Variants in KIAA0825 observed in about 807,000 individuals in gnomAD.
KIAA0825 encodes KIAA0825.
In KIAA0825, 119 loss-of-function variants were observed where a neutral mutation model predicts 147.6. The observed-to-expected ratio is 0.81, with a 90% CI of 0.69 to 0.94. KIAA0825 has a LOEUF of 0.94. KIAA0825 is among the 40% of genes least tolerant of loss of function. The pLI, the probability that KIAA0825 is intolerant of heterozygous loss-of-function variation, is 0.00. For synonymous variants in KIAA0825, 470 were observed against 518.1 expected (o/e 0.91, Z 1.26); for missense variants, 1,381 against 1,472.7 (o/e 0.94, Z 1.02).
chr5:94,483,512 A>T (rs1218047010), intron 6 of KIAA0825, among the ~76,000 whole-genome samples: 1 of 150,466 alleles, frequency 6.6e-6, no homozygotes, highest in Non-Finnish European at 1.5e-5. Context: ...TCACAGTCAA[A>T]CTCTATCTAA....
rs142909246 is a variant in KIAA0825, at chr5:94,483,097, T to G, written c.1132+1672A>C. Among the ~76,000 whole-genome samples the G allele has an allele frequency of 5.5e-3, 843 of 152,128 alleles. 9 individuals carry two copies. The highest frequency in any genetic ancestry group is 0.027 in the Middle Eastern group (8 of 294). The stretch of plus-strand genomic sequence containing the variant: ...TTAATCTAATGGAATTGAATCACCT[T>G]TTTCAAAATTGTTATTTTCTCTAAA... On this transcript the variant is annotated intron_variant, in intron 6 of 20. Transcript: ENST00000682413.
chr5:94,394,801 A>G (rs1357443735), intron 17 of KIAA0825, among the ~76,000 whole-genome samples: 1 of 152,200 alleles, frequency 6.6e-6, no homozygotes, highest in African/African-American at 2.4e-5. Flanking sequence ...GCAAATAGAA[A>G]GATTAAGACG....
At chr5:94,399,112 C>T (rs1751042889) in intron 16 of KIAA0825, among the ~76,000 whole-genome samples, 1 of 152,112 alleles carries the variant, frequency 6.6e-6, no homozygotes, top group African/African-American at 2.4e-5. Flanking sequence ...CCTAGCTCAG[C>T]ACCTGATAAA....
At chr5:94,442,315 A>G (rs1418104197) in intron 13 of KIAA0825, among the ~76,000 whole-genome samples, 4 of 152,132 alleles carry the variant, frequency 2.6e-5, no homozygotes, top group African/African-American at 9.7e-5. Flanking sequence ...TCCCATGTAA[A>G]ACTCTGATAA....
At chr5:94,486,689 C>CA (rs770800318) in intron 5 of KIAA0825, among the ~76,000 whole-genome samples, 33 of 152,256 alleles carry the variant, frequency 2.2e-4, no homozygotes, top group African/African-American at 3.1e-4. Context: ...GCAGCATATA[C>CA]AACTAAGGCT....
intron 7 of KIAA0825, among the ~76,000 whole-genome samples, chr5:94,474,181 G>A (rs111548783): frequency 0.018 from 2,683 of 152,196 alleles, 74 homozygotes; most frequent in African/African-American, 0.062. Flanking sequence ...GGTTGGGGGG[G>A]TACTTGGAAG....
intron 1 of KIAA0825, among the ~76,000 whole-genome samples, chr5:94,588,830 C>A (rs913644227): frequency 6.6e-6 from 1 of 151,940 alleles, no homozygotes; most frequent in African/African-American, 2.4e-5. Context: ...AAATGTGGCA[C>A]ATATACAACC....
chr5:94,236,332 GT>G (rs1775038031), intron 20 of KIAA0825, among the ~76,000 whole-genome samples: 3 of 152,206 alleles, frequency 2.0e-5, no homozygotes, highest in Admixed American at 1.3e-4. Context: ...AACTGCAGAA[GT>G]GATGGAAACA....
At chr5:94,500,493 C>T (rs1764936992) in intron 5 of KIAA0825, among the ~76,000 whole-genome samples, 1 of 152,046 alleles carries the variant, frequency 6.6e-6, no homozygotes, top group Non-Finnish European at 1.5e-5. Context: ...ATCATAGTTT[C>T]TGGGTGAGTG....
At chr5:94,167,250 C>T (rs558466887) in intron 20 of KIAA0825, among the ~76,000 whole-genome samples, 1 of 152,230 alleles carries the variant, frequency 6.6e-6, no homozygotes, top group South Asian at 2.1e-4. Flanking sequence ...TCAGTCCATC[C>T]CCTTTAGCAT....
chr5:94,469,244 C>T (rs190874649), intron 10 of KIAA0825, among the ~76,000 whole-genome samples: 2 of 151,868 alleles, frequency 1.3e-5, no homozygotes, highest in Admixed American at 6.6e-5. Context: ...GATCTCAGCT[C>T]ATTGCAATCT....
At chr5:94,159,235 T>C (rs1217075076) in intron 20 of KIAA0825, among the ~76,000 whole-genome samples, 2 of 152,118 alleles carry the variant, frequency 1.3e-5, no homozygotes, top group African/African-American at 4.8e-5. Flanking sequence ...CCAGTAGACA[T>C]GGGAGCCATC....
intron 1 of KIAA0825, among the ~76,000 whole-genome samples, chr5:94,606,022 A>T (rs765875740): frequency 6.6e-6 from 1 of 152,254 alleles, no homozygotes; most frequent in Non-Finnish European, 1.5e-5. Flanking sequence ...CCATAGTCTT[A>T]GCCCAAAGGC....
chr5:94,162,675 T>C (rs1468996204), intron 20 of KIAA0825, among the ~76,000 whole-genome samples: 3 of 152,208 alleles, frequency 2.0e-5, no homozygotes, highest in Non-Finnish European at 4.4e-5. Context: ...GATGTCATGT[T>C]ATTTCTTCTC....
chr5:94,313,011 A>G lies in KIAA0825; in HGVS notation c.3710+71357T>C, dbSNP rs565802318. Among the ~76,000 whole-genome samples the G allele has an allele frequency of 1.8e-4, 28 of 151,752 alleles. No homozygotes were observed. In the South Asian group the frequency reaches 5.8e-3, roughly 31 times the overall value. ...AATACATAAGTATACATTACATTCT[A>G]CATTTTCTAATCAAAGGAGGAAAAA... is the stretch of plus-strand genomic sequence containing the variant. On this transcript the variant is annotated intron_variant, in intron 20 of 20. Coordinates refer to ENST00000682413, the MANE Select transcript of KIAA0825 (RefSeq NM_001145678.3).
At chr5:94,518,849 C>T (rs1398290446) in intron 5 of KIAA0825, among the ~76,000 whole-genome samples, 1 of 152,112 alleles carries the variant, frequency 6.6e-6, no homozygotes, top group African/African-American at 2.4e-5. Context: ...GACTCCATAG[C>T]AACTTACACA....
At chr5:94,537,451 A>C (rs1237864823) in intron 2 of KIAA0825, among the ~76,000 whole-genome samples, 1 of 151,996 alleles carries the variant, frequency 6.6e-6, no homozygotes, top group Non-Finnish European at 1.5e-5. Flanking sequence ...GGAGATTGAG[A>C]CCATCCTGGC....
At chr5:94,435,100 T>TG (rs1756167724) in intron 14 of KIAA0825, among the ~76,000 whole-genome samples, 1 of 151,838 alleles carries the variant, frequency 6.6e-6, no homozygotes, top group African/African-American at 2.4e-5. Flanking sequence ...ATCAATTAGA[T>TG]GAAAAAAAAC....
Position 94,537,007 on chromosome 5 carries a change from T to C in KIAA0825, c.120A>G (p.Gln40=), listed in dbSNP as rs1193707530. 6.3e-7 allele frequency: 1 copy of C among 1,599,826 alleles called. No individual in the cohort carries two copies. The highest frequency in any genetic ancestry group is 8.5e-7 in the Non-Finnish European group (1 of 1,172,452). Reference sequence around the variant, plus strand: ...TTAACAATATTTACCTTGCAGCATTTTGTTCAATCTTTTCATCAATGTCAC... The same window carrying C: ...TTAACAATATTTACCTTGCAGCATTCTGTTCAATCTTTTCATCAATGTCAC... ...IFSDIDEKIE[Q]NAASIKHCIK... The change falls in exon 3 of 21, where the codon CAA becomes CAG. Residue 40 remains glutamine (Q), a synonymous_variant. Transcript: ENST00000682413.
Sources: gnomAD v4.1 joint callset for allele counts (sites outside exome capture counted in the v4.1 genomes callset) on GRCh38, gnomAD v4.1.1 for gene constraint, MANE v1.5 for transcripts, NCBI Gene and HGNC (gene_info 2026-07-23, HGNC 2026-07-21) for gene names.